MTHFD1L: variants seen among roughly 807,000 people sequenced by gnomAD.
MTHFD1L encodes methylenetetrahydrofolate dehydrogenase (NADP+ dependent) 1 like, also known as monofunctional C1-tetrahydrofolate synthase, mitochondrial.
Under a neutral mutation model 119.5 loss-of-function variants are expected in MTHFD1L, and 81 were observed. That is an observed-to-expected ratio of 0.68 (90% CI 0.57 to 0.82). The LOEUF (loss-of-function observed/expected upper bound fraction) is 0.82, where lower values mean the gene tolerates loss of function less well. Among genes scored for constraint, MTHFD1L ranks in the 40% least tolerant of loss-of-function variants. The pLI is 0.00. For missense variants in MTHFD1L, 1,125 were observed against 1,253.4 expected (o/e 0.90, Z 1.55); for synonymous variants, 430 against 475.2 (o/e 0.90, Z 1.24).
chr6:150,975,970 G>A (rs570068963), intron 20 of MTHFD1L, among the ~76,000 whole-genome samples: 1 of 152,154 alleles, frequency 6.6e-6, no homozygotes, highest in Non-Finnish European at 1.5e-5. Flanking sequence ...CGCCAAGGCG[G>A]GTGGATCACC....
chr6:150,917,897 C>G (rs1288826042), intron 8 of MTHFD1L, among the ~76,000 whole-genome samples: 2 of 152,124 alleles, frequency 1.3e-5, no homozygotes, highest in East Asian at 3.9e-4. Context: ...TTATTTCTAT[C>G]TCTAATTATG....
intron 26 of MTHFD1L, among the ~76,000 whole-genome samples, 169 bp from the exon 27 acceptor site, chr6:151,092,298 T>G (rs899437282): frequency 1.3e-4 from 20 of 152,178 alleles, no homozygotes; most frequent in Non-Finnish European, 2.9e-5. Context: ...CTACTTCATT[T>G]CCTTAAACAA....
intron 13 of MTHFD1L, 111 bp from the exon 14 acceptor site, chr6:150,944,375 G>T: frequency 1.3e-6 from 1 of 759,110 alleles, no homozygotes; most frequent in Non-Finnish European, 2.2e-6. Flanking sequence ...TTGAGCCCAA[G>T]AGTTTGAGAA....
intron 24 of MTHFD1L, among the ~76,000 whole-genome samples, chr6:151,033,097 C>T (rs1481672714): frequency 6.6e-6 from 1 of 151,948 alleles, no homozygotes; most frequent in Non-Finnish European, 1.5e-5. Context: ...AGTAAATCCA[C>T]TAATTGCATC....
At chr6:150,961,860 T>C (rs1391122711) in intron 18 of MTHFD1L, among the ~76,000 whole-genome samples, 21 of 152,374 alleles carry the variant, frequency 1.4e-4, no homozygotes, top group South Asian at 6.2e-4. Context: ...TAAACTGACA[T>C]ACTACAGTTT....
At chr6:151,026,257 C>T (rs1784589003) in intron 24 of MTHFD1L, among the ~76,000 whole-genome samples, 2 of 152,222 alleles carry the variant, frequency 1.3e-5, no homozygotes, top group African/African-American at 2.4e-5. Flanking sequence ...GTCACCAAAT[C>T]CTCTACTATT....
chr6:150,917,495 TA>T (rs200686545), intron 8 of MTHFD1L, among the ~76,000 whole-genome samples: 159 of 143,574 alleles, frequency 1.1e-3, no homozygotes, highest in South Asian at 4.2e-3. Flanking sequence ...ATCTCAAAAA[TA>T]AAAAAAAAAA....
intron 18 of MTHFD1L, 126 bp from the exon 19 acceptor site, chr6:150,964,843 C>A: frequency 1.4e-6 from 1 of 726,754 alleles, no homozygotes; most frequent in Non-Finnish European, 2.4e-6. Flanking sequence ...CAGCACTGTC[C>A]CCTGTGGCCC....
At chr6:151,088,380 T>C (rs996023755) in intron 26 of MTHFD1L, 1 of 87,598 alleles carries the variant, frequency 1.1e-5, no homozygotes, top group African/African-American at 4.6e-5. Context: ...TTTTCTCCCA[T>C]CTGAAAGAAA....
chr6:151,064,374 G>A (rs920588931), intron 26 of MTHFD1L, among the ~76,000 whole-genome samples: 2 of 152,134 alleles, frequency 1.3e-5, no homozygotes, highest in Admixed American at 6.5e-5. Flanking sequence ...GTACAGTGGT[G>A]TGATCTTGGC....
chr6:150,986,858 T>G (rs528780130), intron 20 of MTHFD1L, among the ~76,000 whole-genome samples: 1 of 152,234 alleles, frequency 6.6e-6, no homozygotes, highest in South Asian at 2.1e-4. Context: ...GCATCTACCA[T>G]GCCCAGTTAA....
Position 150,946,257 on chromosome 6 carries a change from C to G in MTHFD1L, c.1623+716C>G, listed in dbSNP as rs188821397. Among the ~76,000 whole-genome samples the G allele has an allele frequency of 1.9e-3, 296 of 152,296 alleles. 3 individuals carry two copies. The highest frequency in any genetic ancestry group is 6.8e-3 in the African/African-American group (281 of 41,530). On this transcript the variant is annotated intron_variant, in intron 15 of 27. Transcript: ENST00000367321. ...CTCTGCCTTCCTGGTTCAAGTGATT[C>G]TCCTGCCTCAGCCTCCCAAGTAGCT...
chr6:150,951,284 G>A (rs1035087646), intron 16 of MTHFD1L, among the ~76,000 whole-genome samples: 3 of 148,804 alleles, frequency 2.0e-5, no homozygotes, highest in Non-Finnish European at 4.5e-5. Flanking sequence ...TTCCTGCCTC[G>A]GCCTCCCAAA....
Position 151,066,152 on chromosome 6 carries a change from G to A in MTHFD1L, c.2848-26315G>A, listed in dbSNP as rs147222889. 2.5e-4 allele frequency among the ~76,000 whole-genome samples: 38 copies of A among 152,318 alleles called. 1 individual carries two copies. In the East Asian group the frequency reaches 6.6e-3, roughly 26 times the overall value. ...ATGTTTTGGCTTTAAAAGAACCACA[G>A]GAGGCTGGGCGCGGTGGCTTACGCC... On this transcript the variant is annotated intron_variant, in intron 26 of 27. Coordinates refer to ENST00000367321, the MANE Select transcript of MTHFD1L (RefSeq NM_015440.5).
chr6:150,977,312 A>G (rs1362164782), intron 20 of MTHFD1L, among the ~76,000 whole-genome samples: 1 of 152,222 alleles, frequency 6.6e-6, no homozygotes, highest in African/African-American at 2.4e-5. Context: ...TCTATTCTGA[A>G]TAATTAGTCT....
chr6:150,925,760 G>A (rs889552851), intron 10 of MTHFD1L, among the ~76,000 whole-genome samples: 2 of 151,904 alleles, frequency 1.3e-5, no homozygotes, highest in African/African-American at 4.8e-5. Context: ...TCTATTCATC[G>A]CTAATGAATA....
chr6:150,951,952 G>A (rs902667998), intron 16 of MTHFD1L, among the ~76,000 whole-genome samples: 1 of 152,100 alleles, frequency 6.6e-6, no homozygotes, highest in Non-Finnish European at 1.5e-5. Flanking sequence ...GGTATTCTTT[G>A]GTGTCTGCTT....
chr6:150,979,506 A>G (rs1358551597), intron 20 of MTHFD1L, among the ~76,000 whole-genome samples: 3 of 150,690 alleles, frequency 2.0e-5, no homozygotes, highest in South Asian at 2.1e-4. Flanking sequence ...TAATTTTTTT[A>G]TTTTCCTTTT....
At chr6:150,942,529 T>A (rs803449) in intron 13 of MTHFD1L, among the ~76,000 whole-genome samples, 96,927 of 151,890 alleles carry the variant, frequency 0.64, 31,678 homozygotes, top group African/African-American at 0.79. Flanking sequence ...TGTATGGGAA[T>A]ATAGATCATT....
Sources: allele counts gnomAD v4.1 joint callset (sites outside exome capture counted in the v4.1 genomes callset), GRCh38; gene constraint gnomAD v4.1.1; transcripts MANE v1.5; gene names NCBI Gene and HGNC (gene_info 2026-07-23, HGNC 2026-07-21).